SYAP1: variants seen among roughly 807,000 people sequenced by gnomAD.
The protein encoded by SYAP1 is synapse-associated protein 1.
SYAP1 carries 3 observed loss-of-function variants against 29.6 expected under a neutral mutation model. The ratio of observed to expected loss-of-function variants is 0.10; its 90% confidence interval spans 0.05 to 0.26. SYAP1 has a LOEUF of 0.26. Ranked by LOEUF, SYAP1 falls within the 10% of genes least tolerant of loss-of-function variation. The probability of loss-of-function intolerance (pLI) is 1.00; values close to 1 mark genes in which losing one functional copy is unlikely to be tolerated. For synonymous variants in SYAP1, 102 were observed against 102.7 expected (o/e 0.99, Z 0.04); for missense variants, 217 against 264.1 (o/e 0.82, Z 1.24).
At chrX:16,721,389 G>A (rs1415909245) in intron 1 of SYAP1, among the ~76,000 whole-genome samples, 1 of 109,254 alleles carries the variant, frequency 9.2e-6, no homozygotes, top group Non-Finnish European at 1.9e-5. Context: ...GCCCTACCAC[G>A]CCCAGCTAAT....
At chrX:16,756,746 A>G (rs1369230959) in intron 7 of SYAP1, 25 bp downstream of exon 7, 3 of 1,149,490 alleles carry the variant, frequency 2.6e-6, no homozygotes, top group Non-Finnish European at 3.6e-6. Context: ...CATTGTACCT[A>G]GTAGTTGATA....
chrX:16,749,376 G>T (rs1179660111), intron 5 of SYAP1, among the ~76,000 whole-genome samples: 1 of 111,213 alleles, frequency 9.0e-6, no homozygotes, highest in Non-Finnish European at 1.9e-5. Context: ...TTTACCAAAG[G>T]ACTTGACTTC....
intron 8 of SYAP1, among the ~76,000 whole-genome samples, chrX:16,759,359 T>A (rs1301471091): frequency 9.2e-6 from 1 of 109,183 alleles, no homozygotes; most frequent in African/African-American, 3.3e-5. Flanking sequence ...AGTGAGACTC[T>A]GTCTCAAAAA....
At chrX:16,754,101 C>T (rs1353417089) in intron 5 of SYAP1, among the ~76,000 whole-genome samples, 2 of 111,220 alleles carry the variant, frequency 1.8e-5, no homozygotes, top group Admixed American at 9.7e-5. Context: ...TTTCCCACCC[C>T]ATTGCTAACT....
At position 16,741,714 on chromosome X, in the gene SYAP1, A is replaced by G; in HGVS notation, c.362-2A>G. 8.3e-7 allele frequency: 1 copy of G among 1,198,604 alleles called. No homozygotes were observed. Among genetic ancestry groups the G allele is most frequent in the South Asian group, 1.8e-5 (1 of 54,612 alleles). ...TCTTCTTTGCCATTAAAAACTGTAT[A>G]GAAGCAGCTGTGCCCCCATGGGTTG... On this transcript the variant is annotated splice_acceptor_variant, in intron 3 of 8. Transcript: ENST00000380155. LOFTEE classifies it high-confidence loss of function.
At chrX:16,727,281 T>TAA (rs60144245) in intron 1 of SYAP1, among the ~76,000 whole-genome samples, 45 of 90,480 alleles carry the variant, frequency 5.0e-4, no homozygotes, top group African/African-American at 8.4e-4. Context: ...TTTTAAAAAT[T>TAA]AAAAAAAAAA....
chrX:16,742,920 A>ATTTTTT (rs761130108), intron 4 of SYAP1, among the ~76,000 whole-genome samples: 1 of 62,956 alleles, frequency 1.6e-5, no homozygotes, highest in Non-Finnish European at 2.9e-5. Flanking sequence ...GTCCGCTTCT[A>ATTTTTT]TTTTTTTTTT....
chrX:16,745,161 G>A, intron 5 of SYAP1, among the ~76,000 whole-genome samples: 1 of 112,335 alleles, frequency 8.9e-6, no homozygotes, highest in Non-Finnish European at 1.9e-5. Context: ...GCTGTGGGAA[G>A]GTAGCTTATC....
At chrX:16,749,807 G>A (rs376802931) in intron 5 of SYAP1, among the ~76,000 whole-genome samples, 22 of 108,539 alleles carry the variant, frequency 2.0e-4, no homozygotes, top group East Asian at 1.8e-3. Flanking sequence ...CCAGCTACTC[G>A]GGAGGCTGAG....
chrX:16,750,010 T>A (rs910332353), intron 5 of SYAP1, among the ~76,000 whole-genome samples: 23 of 110,989 alleles, frequency 2.1e-4, no homozygotes, highest in African/African-American at 7.5e-4. Flanking sequence ...TGTTATGGCT[T>A]AAGACCCTGG....
At chrX:16,738,848 G>T (rs1199907260) in intron 3 of SYAP1, among the ~76,000 whole-genome samples, 1 of 111,766 alleles carries the variant, frequency 8.9e-6, no homozygotes. Flanking sequence ...TGTGTTCCAT[G>T]CATTTCTTCA....
intron 3 of SYAP1, among the ~76,000 whole-genome samples, chrX:16,736,850 A>G (rs1926340759): frequency 8.9e-6 from 1 of 111,988 alleles, no homozygotes; most frequent in Non-Finnish European, 1.9e-5. Flanking sequence ...AGAGCACAGT[A>G]TGCACATGAC....
In SYAP1 at chrX:16,719,702, C is replaced by A; in HGVS notation, c.-23C>A. ...CGCTGCGGTCTCTGGGGATCGGGACCGCGGCGGCGGCCCGCGAGCGGGATG... is the reference window on the plus strand; with the variant it reads ...CGCTGCGGTCTCTGGGGATCGGGACAGCGGCGGCGGCCCGCGAGCGGGATG... On this transcript the variant is annotated 5_prime_UTR_variant, in exon 1 of 9. Coordinates refer to ENST00000380155, the MANE Select transcript of SYAP1 (RefSeq NM_032796.4). The A allele has an allele frequency of 8.3e-7, 1 of 1,200,658 alleles. No homozygotes were observed. The highest frequency in any genetic ancestry group is 1.1e-6 in the Non-Finnish European group (1 of 891,161).
At chrX:16,736,666 G>C (rs1926335648) in intron 3 of SYAP1, 1 of 114,853 alleles carries the variant, frequency 8.7e-6, no homozygotes, top group South Asian at 3.5e-4. Context: ...ACCACACCCA[G>C]CTATTTTTGT....
chrX:16,761,262 CCTTTTCTTT>C lies in SYAP1; in HGVS notation c.*913_*921del, dbSNP rs1327115664. The C allele has an allele frequency of 4.8e-4, 51 of 105,473 alleles. No individual in the cohort carries two copies. The highest frequency in any genetic ancestry group is 1.7e-3 in the African/African-American group (50 of 28,959). The allele number at this position is 105,473 out of a possible 1,213,427, so 8.7% of individuals were successfully genotyped here. A position where few individuals can be genotyped will look rare whatever the true frequency, so the allele number is the denominator to read the frequency against. ...CGAAAATATTTGTTTTTCTCTGGGG[CCTTTTCTTT>C]CTTTTCTTTTTAAACTATACCAGAA... On this transcript the variant is annotated 3_prime_UTR_variant, in exon 9 of 9. Transcript: ENST00000380155.
chrX:16,732,280 C>T (rs1926225500), intron 1 of SYAP1, among the ~76,000 whole-genome samples: 1 of 111,093 alleles, frequency 9.0e-6, no homozygotes, highest in Non-Finnish European at 1.9e-5. Context: ...CGTATATTTT[C>T]AGTAGTGAAA....
At chrX:16,722,790 A>G (rs887578968) in intron 1 of SYAP1, among the ~76,000 whole-genome samples, 5 of 111,820 alleles carry the variant, frequency 4.5e-5, no homozygotes, top group Non-Finnish European at 7.5e-5. Flanking sequence ...CAAAGGAAGG[A>G]ACAATTTATA....
chrX:16,745,075 A>C (rs1926566701), intron 5 of SYAP1, among the ~76,000 whole-genome samples: 1 of 112,423 alleles, frequency 8.9e-6, no homozygotes, highest in Non-Finnish European at 1.9e-5. Context: ...GTCCCTTCGC[A>C]TTAGCAGTGC....
At position 16,761,444 on chromosome X, in the gene SYAP1, G is replaced by T. The variant is rs1047457941; in HGVS notation, c.*1085G>T. 9.0e-6 allele frequency: 1 copy of T among 111,354 alleles called. No homozygotes were observed. Among genetic ancestry groups the T allele is most frequent in the African/African-American group, 3.3e-5 (1 of 30,632 alleles). 9.2% of individuals were successfully genotyped at this position (111,354 alleles called of 1,213,427 possible). Reference sequence around the variant, plus strand: ...GTTTTAGCTTTGTCTTAAACTGTGAGTCTTCATAAAATTGTGTTCCTCCGA... The same window carrying T: ...GTTTTAGCTTTGTCTTAAACTGTGATTCTTCATAAAATTGTGTTCCTCCGA... On this transcript the variant is annotated 3_prime_UTR_variant, in exon 9 of 9. Coordinates refer to ENST00000380155, the MANE Select transcript of SYAP1 (RefSeq NM_032796.4).
Sources: gnomAD v4.1 joint callset for allele counts (sites outside exome capture counted in the v4.1 genomes callset) on GRCh38, gnomAD v4.1.1 for gene constraint, MANE v1.5 for transcripts, NCBI Gene and HGNC (gene_info 2026-07-23, HGNC 2026-07-21) for gene names.